The following ANO10 variants were observed in gnomAD, a reference collection of about 807,000 sequenced individuals.
ANO10 encodes anoctamin 10.
A neutral mutation model predicts 74.7 loss-of-function variants in ANO10; 77 were observed. That is an observed-to-expected ratio of 1.03 (90% CI 0.86 to 1.25). The LOEUF (loss-of-function observed/expected upper bound fraction) is 1.25. Ranked by LOEUF, ANO10 falls within the 50% of genes most tolerant of loss-of-function variation. The pLI is 0.00. For synonymous variants in ANO10, 279 were observed against 284.9 expected (o/e 0.98, Z 0.21); for missense variants, 721 against 778.1 (o/e 0.93, Z 0.87).
chr3:43,674,526 T>G (rs768908650), intron 1 of ANO10, among the ~76,000 whole-genome samples: 3 of 152,242 alleles, frequency 2.0e-5, no homozygotes, highest in South Asian at 2.1e-4. Flanking sequence ...AACCAACAAG[T>G]TATGACCTCA....
At chr3:43,635,604 T>A (rs376659950) in intron 1 of ANO10, among the ~76,000 whole-genome samples, 1 of 152,162 alleles carries the variant, frequency 6.6e-6, no homozygotes, top group South Asian at 2.1e-4. Context: ...GTTCGTATAA[T>A]CTGGTAAGCT....
intron 11 of ANO10, among the ~76,000 whole-genome samples, chr3:43,536,536 A>C (rs2078717550): frequency 6.6e-6 from 1 of 152,170 alleles, no homozygotes; most frequent in African/African-American, 2.4e-5. Context: ...ATGATGCCTC[A>C]CCTCATTAAT....
intron 12 of ANO10, among the ~76,000 whole-genome samples, chr3:43,378,472 T>G (rs2091872314): frequency 6.6e-6 from 1 of 152,206 alleles, no homozygotes; most frequent in African/African-American, 2.4e-5. Context: ...ACCTTTACAA[T>G]CTTTCCCAGG....
chr3:43,636,621 C>A (rs1190931359), intron 1 of ANO10: 1 of 152,210 alleles, frequency 6.6e-6, no homozygotes, highest in East Asian at 1.9e-4. Context: ...ACTTGTGTCT[C>A]ATTAACAGAC....
At chr3:43,657,214 A>G (rs2083867759) in intron 1 of ANO10, among the ~76,000 whole-genome samples, 1 of 152,202 alleles carries the variant, frequency 6.6e-6, no homozygotes, top group South Asian at 2.1e-4. Flanking sequence ...TTGTAAGGAC[A>G]GGGATCTCCA....
At chr3:43,549,989 T>C (rs1177349645) in intron 10 of ANO10, 141 bp from the exon 11 acceptor site, 3 of 975,052 alleles carry the variant, frequency 3.1e-6, no homozygotes, top group Non-Finnish European at 4.5e-6. Context: ...TTTTTTTCTC[T>C]GTCATGGTAT....
intron 4 of ANO10, among the ~76,000 whole-genome samples, chr3:43,590,936 T>C (rs1488865696): frequency 1.3e-5 from 2 of 152,110 alleles, no homozygotes; most frequent in Non-Finnish European, 2.9e-5. Flanking sequence ...CATCAGTTAG[T>C]AAAGAGGGCT....
intron 11 of ANO10, among the ~76,000 whole-genome samples, chr3:43,525,619 T>G (rs1029941810): frequency 1.3e-4 from 20 of 152,144 alleles, no homozygotes; most frequent in African/African-American, 4.6e-4. Flanking sequence ...TTCACCATAA[T>G]TAGTGGGAAG....
At chr3:43,542,324 G>A (rs973589647) in intron 11 of ANO10, among the ~76,000 whole-genome samples, 1 of 152,150 alleles carries the variant, frequency 6.6e-6, no homozygotes, top group East Asian at 1.9e-4. Flanking sequence ...AGGCTGAGGC[G>A]TGGAAGTAAG....
chr3:43,440,117 G>T (rs141080702), intron 11 of ANO10, among the ~76,000 whole-genome samples: 66 of 152,200 alleles, frequency 4.3e-4, no homozygotes, highest in African/African-American at 1.5e-3. Context: ...AAGGAAGGCA[G>T]CAAGACAGAA....
chr3:43,566,149 A>G (rs2080322734), intron 7 of ANO10, among the ~76,000 whole-genome samples: 1 of 152,192 alleles, frequency 6.6e-6, no homozygotes, highest in African/African-American at 2.4e-5. Flanking sequence ...ATGGCGCACC[A>G]CGAGATTATA....
intron 11 of ANO10, among the ~76,000 whole-genome samples, chr3:43,538,684 T>C (rs2078824615): frequency 6.6e-6 from 1 of 152,146 alleles, no homozygotes; most frequent in African/African-American, 2.4e-5. Flanking sequence ...GCTGGTCTTT[T>C]GGACTTGAGG....
At chr3:43,571,061 G>A (rs566852741) in intron 7 of ANO10, among the ~76,000 whole-genome samples, 31 of 151,782 alleles carry the variant, frequency 2.0e-4, no homozygotes, top group Middle Eastern at 3.4e-3. Flanking sequence ...AGACATTTAC[G>A]CAGCCAAAAA....
At chr3:43,691,131 G>C in intron 1 of ANO10, 3 of 1,271,498 alleles carry the variant, frequency 2.4e-6, no homozygotes, top group Non-Finnish European at 3.0e-6. Flanking sequence ...CCAAGGAGTC[G>C]CCGCCCGCCT....
chr3:43,450,791 A>G (rs1189974613), intron 11 of ANO10, among the ~76,000 whole-genome samples: 1 of 152,172 alleles, frequency 6.6e-6, no homozygotes, highest in Non-Finnish European at 1.5e-5. Flanking sequence ...TCTTTTTGTA[A>G]TGTAACAGAT....
intron 1 of ANO10, among the ~76,000 whole-genome samples, chr3:43,654,278 G>A (rs748769408): frequency 6.6e-6 from 1 of 152,068 alleles, no homozygotes; most frequent in Non-Finnish European, 1.5e-5. Flanking sequence ...AATAGGAAAT[G>A]GCTTTAATTT....
intron 1 of ANO10, among the ~76,000 whole-genome samples, chr3:43,635,568 C>A (rs1051678866): frequency 6.6e-6 from 1 of 151,150 alleles, no homozygotes; most frequent in Non-Finnish European, 1.5e-5. Context: ...TTGACTTAAT[C>A]TGACATTATA....
chr3:43,634,470 T>C (rs745756071), intron 1 of ANO10, among the ~76,000 whole-genome samples: 1 of 152,316 alleles, frequency 6.6e-6, no homozygotes, highest in Non-Finnish European at 1.5e-5. Flanking sequence ...ATACTACTTA[T>C]ATATAAATGT....
chr3:43,378,661 C>T (rs2091878775), intron 12 of ANO10, among the ~76,000 whole-genome samples: 1 of 151,964 alleles, frequency 6.6e-6, no homozygotes, highest in Non-Finnish European at 1.5e-5. Context: ...TACCATGTAC[C>T]CTTCCCCCCA....
Sources: gnomAD v4.1 joint callset for allele counts (sites outside exome capture counted in the v4.1 genomes callset) on GRCh38, gnomAD v4.1.1 for gene constraint, MANE v1.5 for transcripts, NCBI Gene and HGNC (gene_info 2026-07-23, HGNC 2026-07-21) for gene names.